The following EPHA6 variants were observed in gnomAD, a reference collection of about 807,000 sequenced individuals.
The protein encoded by EPHA6 is EPH receptor A6.
EPHA6 carries 50 observed loss-of-function variants against 112.0 expected under a neutral mutation model. The ratio of observed to expected loss-of-function variants is 0.45; its 90% CI spans 0.36 to 0.56. EPHA6 has a LOEUF of 0.56. Among genes scored for constraint, EPHA6 ranks in the 20% least tolerant of loss-of-function variants. EPHA6 has a pLI of 0.00. For missense variants in EPHA6, 1,280 were observed against 1,417.4 expected, an observed-to-expected ratio of 0.90 and a Z score of 1.56; for synonymous variants, 529 against 490.7, an observed-to-expected ratio of 1.08 and a Z score of -1.03.
intron 3 of EPHA6, among the ~76,000 whole-genome samples, chr3:97,004,900 T>A (rs1277578149): frequency 6.6e-6 from 1 of 152,176 alleles, no homozygotes; most frequent in East Asian, 1.9e-4. Context: ...TTTTGTCAGG[T>A]TTGTCAAGGA....
chr3:97,549,245 A>G (rs1199943322), intron 11 of EPHA6, among the ~76,000 whole-genome samples: 1 of 152,158 alleles, frequency 6.6e-6, no homozygotes, highest in Non-Finnish European at 1.5e-5. Flanking sequence ...TCTTGTTTAC[A>G]TCGTATTCTC....
chr3:97,403,835 A>T, intron 5 of EPHA6, among the ~76,000 whole-genome samples: 1 of 152,280 alleles, frequency 6.6e-6, no homozygotes, highest in East Asian at 1.9e-4. Flanking sequence ...CCAGTTTCTA[A>T]CCTTGTAGTG....
chr3:97,624,514 G>T (rs1435916796), intron 13 of EPHA6, among the ~76,000 whole-genome samples: 1 of 151,398 alleles, frequency 6.6e-6, no homozygotes, highest in Non-Finnish European at 1.5e-5. Flanking sequence ...GTAATGTGGG[G>T]GTTTTTTGTA....
At chr3:96,993,404 C>A (rs536056513) in intron 3 of EPHA6, among the ~76,000 whole-genome samples, 30 of 151,864 alleles carry the variant, frequency 2.0e-4, no homozygotes, top group African/African-American at 7.2e-4. Context: ...TCAAGCGATT[C>A]TCAAGCCTCA....
At position 97,747,997 on chromosome 3, in the gene EPHA6, T is replaced by C. The variant is rs147556000; in HGVS notation, c.3278+425T>C. ...AACCATTTTCCACTATTCTCAAAGA[T>C]TGTCTTTTGCCTACATGCAATGAAA... On this transcript the variant is annotated intron_variant, in intron 17 of 17. Transcript: ENST00000389672. 6.6e-5 allele frequency among the ~76,000 whole-genome samples: 10 copies of C among 152,236 alleles called. No individual in the cohort carries two copies. The East Asian group carries it at 1.9e-3, about 29-fold the overall frequency.
At chr3:97,170,502 C>T (rs563577005) in intron 3 of EPHA6, among the ~76,000 whole-genome samples, 69 of 152,082 alleles carry the variant, frequency 4.5e-4, no homozygotes, top group Admixed American at 1.4e-3. Flanking sequence ...TTTGGGAGGC[C>T]GAGGTGGACA....
chr3:97,625,966 C>T (rs2093853285), intron 13 of EPHA6, among the ~76,000 whole-genome samples: 1 of 151,526 alleles, frequency 6.6e-6, no homozygotes, highest in African/African-American at 2.4e-5. Context: ...GGAAATGATG[C>T]CTGATTCTAT....
intron 3 of EPHA6, among the ~76,000 whole-genome samples, chr3:97,063,106 T>G (rs1282733376): frequency 6.6e-6 from 1 of 151,702 alleles, no homozygotes; most frequent in Non-Finnish European, 1.5e-5. Flanking sequence ...TCGGTGGGAG[T>G]ATAAATTAGC....
chr3:97,239,808 T>C (rs530476969), intron 4 of EPHA6, among the ~76,000 whole-genome samples: 3 of 151,908 alleles, frequency 2.0e-5, no homozygotes, highest in African/African-American at 7.2e-5. Flanking sequence ...AAAAGATTCC[T>C]CAATGTAAGT....
At chr3:97,134,734 A>G (rs538225825) in intron 3 of EPHA6, among the ~76,000 whole-genome samples, 3 of 152,288 alleles carry the variant, frequency 2.0e-5, no homozygotes, top group South Asian at 4.1e-4. Flanking sequence ...TCAAATTTAC[A>G]GATTAAAAAA....
At chr3:97,388,780 T>G (rs1326614902) in intron 5 of EPHA6, among the ~76,000 whole-genome samples, 1 of 152,138 alleles carries the variant, frequency 6.6e-6, no homozygotes, top group Non-Finnish European at 1.5e-5. Context: ...CTGGAGCCTT[T>G]CAAAATGAAT....
intron 3 of EPHA6, among the ~76,000 whole-genome samples, chr3:97,183,499 C>A (rs2108457250): frequency 6.6e-6 from 1 of 152,238 alleles, no homozygotes; most frequent in East Asian, 1.9e-4. Flanking sequence ...TAACTCTCAG[C>A]TATACATTTT....
chr3:96,970,287 CGAGAGAGA>C (rs138222062), intron 2 of EPHA6, among the ~76,000 whole-genome samples: 4 of 147,574 alleles, frequency 2.7e-5, no homozygotes, highest in Admixed American at 2.7e-4. Context: ...ACACACAGAG[CGAGAGAGA>C]GAGAGAGAAA....
intron 3 of EPHA6, among the ~76,000 whole-genome samples, chr3:97,019,614 A>G (rs9857347): frequency 0.024 from 3,576 of 152,036 alleles, 123 homozygotes; most frequent in African/African-American, 0.069. Context: ...ACTTCATTTT[A>G]TTCCTTTGTC....
chr3:96,824,211 T>A (rs1256965121), intron 1 of EPHA6, among the ~76,000 whole-genome samples: 1 of 151,726 alleles, frequency 6.6e-6, no homozygotes, highest in East Asian at 1.9e-4. Context: ...TAACCAGAAA[T>A]GTGGAATTAA....
chr3:97,310,239 A>C (rs140384355), intron 5 of EPHA6, among the ~76,000 whole-genome samples: 1 of 151,618 alleles, frequency 6.6e-6, no homozygotes, highest in South Asian at 2.1e-4. Context: ...TTATTCAATA[A>C]AAGAAATACT....
At chr3:97,203,719 T>C (rs979726644) in intron 3 of EPHA6, among the ~76,000 whole-genome samples, 5 of 152,174 alleles carry the variant, frequency 3.3e-5, no homozygotes, top group African/African-American at 9.6e-5. Context: ...ATCCAAGGTA[T>C]AATTCTGAGA....
chr3:97,511,609 C>T (rs140798596), intron 10 of EPHA6, among the ~76,000 whole-genome samples: 3 of 151,660 alleles, frequency 2.0e-5, no homozygotes, highest in Non-Finnish European at 1.5e-5. Context: ...AGCTGCAGAC[C>T]GGAGCTGTTC....
intron 5 of EPHA6, among the ~76,000 whole-genome samples, chr3:97,263,468 C>CACACACACA (rs1559836796): frequency 2.6e-5 from 4 of 151,176 alleles, no homozygotes; most frequent in Admixed American, 1.3e-4. Context: ...CACACACACA[C>CACACACACA]CCGCTAGGCA....
Sources: allele counts gnomAD v4.1 joint callset (sites outside exome capture counted in the v4.1 genomes callset), GRCh38; gene constraint gnomAD v4.1.1; transcripts MANE v1.5; gene names NCBI Gene and HGNC (gene_info 2026-07-23, HGNC 2026-07-21).